The following LEKR1 variants were observed in gnomAD, a reference collection of about 807,000 sequenced individuals.
LEKR1 encodes leucine, glutamate and lysine rich 1.
A neutral mutation model predicts 72.4 loss-of-function variants in LEKR1; 59 were observed. The observed-to-expected ratio is 0.82, with a 90% CI of 0.66 to 1.01. The LOEUF (loss-of-function observed/expected upper bound fraction) is 1.01, where lower values mean the gene tolerates loss of function less well. LEKR1 is among the 50% of genes least tolerant of loss of function. The pLI is 0.00. For synonymous variants in LEKR1, 257 were observed against 263.2 expected (o/e 0.98, Z 0.23); for missense variants, 728 against 759.2 (o/e 0.96, Z 0.48).
chr3:156,924,506 G>A, intron 4 of LEKR1: 1 of 685,314 alleles, frequency 1.5e-6, no homozygotes, highest in Non-Finnish European at 2.7e-6. Flanking sequence ...TTGTGCTTTT[G>A]CTGATGTCTG....
intron 10 of LEKR1, among the ~76,000 whole-genome samples, chr3:157,023,576 T>C (rs1733985360): frequency 6.6e-6 from 1 of 152,124 alleles, no homozygotes; most frequent in Non-Finnish European, 1.5e-5. Context: ...TTCCTACTCA[T>C]GTTAGAGCTT....
At chr3:156,854,774 G>A (rs7652112) in intron 3 of LEKR1, among the ~76,000 whole-genome samples, 76,900 of 151,056 alleles carry the variant, frequency 0.51, 21,204 homozygotes, top group East Asian at 0.73. Flanking sequence ...TGTTGGTCTC[G>A]AACTCCTGGG....
chr3:157,007,184 G>C (rs965399835), intron 9 of LEKR1, among the ~76,000 whole-genome samples: 5 of 152,114 alleles, frequency 3.3e-5, no homozygotes, highest in African/African-American at 7.2e-5. Flanking sequence ...CTGGGCCACA[G>C]AGCGAGACTC....
At chr3:156,840,499 T>G (rs905329257) in intron 2 of LEKR1, among the ~76,000 whole-genome samples, 1 of 152,226 alleles carries the variant, frequency 6.6e-6, no homozygotes, top group African/African-American at 2.4e-5. Flanking sequence ...ACCTCAAACT[T>G]TATCATCAAT....
intron 2 of LEKR1, among the ~76,000 whole-genome samples, chr3:156,838,195 T>C (rs344081): frequency 0.24 from 35,949 of 152,040 alleles, 6,438 homozygotes; most frequent in African/African-American, 0.5. Context: ...TTAAGCAACA[T>C]GGAAGAGTGG....
intron 3 of LEKR1, among the ~76,000 whole-genome samples, chr3:156,892,827 A>G (rs1029367665): frequency 9.2e-5 from 14 of 152,234 alleles, no homozygotes; most frequent in Admixed American, 6.5e-5. Context: ...GTGCATGACT[A>G]AGATGAGACT....
At chr3:156,968,245 A>C (rs920836753) in intron 6 of LEKR1, among the ~76,000 whole-genome samples, 1 of 152,230 alleles carries the variant, frequency 6.6e-6, no homozygotes, top group African/African-American at 2.4e-5. Context: ...AGCTAACATC[A>C]TAATGACAGG....
Position 157,045,666 on chromosome 3 carries a change from T to G in LEKR1, c.1995T>G (p.His665Gln), listed in dbSNP as rs1259615676. 20 of 1,613,832 alleles carry G rather than the reference T, an allele frequency of 1.2e-5. No homozygotes were observed. The highest frequency in any genetic ancestry group is 1.4e-5 in the Non-Finnish European group (16 of 1,179,986). Residue 665 changes from histidine (H) to glutamine (Q), a missense_variant, in exon 13 of 13, where the codon CAT becomes CAG. Physicochemically the swap from His to Gln is conservative, Grantham distance 24 (BLOSUM62 0). Coordinates refer to ENST00000356539, the MANE Select transcript of LEKR1 (RefSeq NM_001004316.3). ...RSGVPILPQP[H>Q]PPRGGASSAN... ...GCGTGCCCATTCTCCCCCAGCCACA[T>G]CCTCCCAGGGGTGGAGCATCTTCAG...
chr3:156,939,128 A>T (rs576264705), intron 5 of LEKR1, among the ~76,000 whole-genome samples: 2 of 152,324 alleles, frequency 1.3e-5, no homozygotes, highest in East Asian at 3.9e-4. Flanking sequence ...ATATACTGAA[A>T]TGTTAAAGTC....
intron 9 of LEKR1, among the ~76,000 whole-genome samples, chr3:156,994,382 G>T (rs1019854778): frequency 6.6e-6 from 1 of 152,064 alleles, no homozygotes; most frequent in African/African-American, 2.4e-5. Flanking sequence ...AGTTCATAGG[G>T]AAACAAGGCT....
At chr3:156,899,035 G>A (rs906064626) in intron 3 of LEKR1, among the ~76,000 whole-genome samples, 10 of 152,058 alleles carry the variant, frequency 6.6e-5, no homozygotes, top group Admixed American at 1.3e-4. Context: ...ACAAAAAAGA[G>A]CTATTTTTGC....
chr3:157,034,643 A>G lies in LEKR1; in HGVS notation c.1668+6241A>G, dbSNP rs541457473. On this transcript the variant is annotated intron_variant, in intron 12 of 12. Coordinates refer to ENST00000356539, the MANE Select transcript of LEKR1 (RefSeq NM_001004316.3). ...TACAACAAAGGATTTGGAATATTATATAAAATTAGTTGATAAAGCAGTGAC... is the reference window on the plus strand; with the variant it reads ...TACAACAAAGGATTTGGAATATTATGTAAAATTAGTTGATAAAGCAGTGAC... 5.3e-5 allele frequency among the ~76,000 whole-genome samples: 8 copies of G among 152,346 alleles called. No homozygotes were observed. The South Asian group carries it at 1.0e-3, about 20-fold the overall frequency.
At chr3:157,044,286 T>G (rs920142045) in intron 12 of LEKR1, among the ~76,000 whole-genome samples, 1 of 152,246 alleles carries the variant, frequency 6.6e-6, no homozygotes, top group Non-Finnish European at 1.5e-5. Flanking sequence ...CAGCCTCATT[T>G]TTGACATCAT....
intron 3 of LEKR1, among the ~76,000 whole-genome samples, chr3:156,895,061 A>G (rs1463242581): frequency 6.6e-6 from 1 of 152,200 alleles, no homozygotes; most frequent in African/African-American, 2.4e-5. Context: ...AGCAAAAGAA[A>G]CAGAAACCAG....
At chr3:156,999,885 C>G (rs1731877683) in intron 9 of LEKR1, among the ~76,000 whole-genome samples, 1 of 152,180 alleles carries the variant, frequency 6.6e-6, no homozygotes, top group South Asian at 2.1e-4. Context: ...AAATTTCTTG[C>G]TCAGGGTGAC....
At chr3:156,835,905 ACT>A (rs1713076096) in intron 2 of LEKR1, among the ~76,000 whole-genome samples, 2 of 101,976 alleles carry the variant, frequency 2.0e-5, no homozygotes, top group African/African-American at 3.7e-5. Flanking sequence ...GATGAGTCTC[ACT>A]CTGTCACCAA....
chr3:157,035,071 T>G (rs1160580231), intron 12 of LEKR1, among the ~76,000 whole-genome samples: 2 of 152,226 alleles, frequency 1.3e-5, no homozygotes, highest in Non-Finnish European at 2.9e-5. Context: ...TTGATAGCAT[T>G]TTTTAGCAGT....
At chr3:156,887,086 C>G (rs1720180222) in intron 3 of LEKR1, among the ~76,000 whole-genome samples, 1 of 152,132 alleles carries the variant, frequency 6.6e-6, no homozygotes, top group African/African-American at 2.4e-5. Flanking sequence ...TCCTTAATAT[C>G]AATATTTTGA....
intron 3 of LEKR1, among the ~76,000 whole-genome samples, chr3:156,899,593 T>C (rs528520849): frequency 6.9e-6 from 1 of 145,278 alleles, no homozygotes; most frequent in South Asian, 2.1e-4. Flanking sequence ...CATGTATATA[T>C]ACATATACGT....
Sources: allele counts gnomAD v4.1 joint callset (sites outside exome capture counted in the v4.1 genomes callset), GRCh38; gene constraint gnomAD v4.1.1; transcripts MANE v1.5; gene names NCBI Gene and HGNC (gene_info 2026-07-23, HGNC 2026-07-21).